Variants in CNKSR2 observed in about 807,000 individuals in gnomAD.
The protein encoded by CNKSR2 is CNK homolog protein 2.
Under a neutral mutation model 84.4 loss-of-function variants are expected in CNKSR2, and 14 were observed. The observed-to-expected ratio is 0.17, with a 90% CI of 0.11 to 0.26. CNKSR2 has a LOEUF of 0.26. CNKSR2 is among the 10% of genes least tolerant of loss of function. The pLI, the probability that CNKSR2 is intolerant of heterozygous loss-of-function variation, is 1.00. For synonymous variants in CNKSR2, 275 were observed against 277.9 expected, an observed-to-expected ratio of 0.99 and a Z score of 0.10; for missense variants, 485 against 771.2, an observed-to-expected ratio of 0.63 and a Z score of 4.40.
chrX:21,472,445 C>T (rs2091209607), intron 5 of CNKSR2, among the ~76,000 whole-genome samples: 1 of 111,852 alleles, frequency 8.9e-6, no homozygotes, highest in African/African-American at 3.2e-5. Flanking sequence ...TTTCTTCATG[C>T]ATTGGCTGCT....
chrX:21,594,626 GACT>G (rs1258428075), intron 15 of CNKSR2: 1 of 122,465 alleles, frequency 8.2e-6, no homozygotes, highest in African/African-American at 3.2e-5. Flanking sequence ...TACAAAAGTG[GACT>G]ACATTTATTT....
intron 4 of CNKSR2, among the ~76,000 whole-genome samples, chrX:21,441,565 T>G (rs775488215): frequency 2.7e-5 from 3 of 111,952 alleles, no homozygotes; most frequent in Admixed American, 9.5e-5. Flanking sequence ...CTCTTTAAGT[T>G]TGCCAAAGGA....
chrX:21,590,509 C>T (rs777610902), intron 13 of CNKSR2, 63 bp from the exon 14 acceptor site: 276 of 1,032,259 alleles, frequency 2.7e-4, no homozygotes, highest in Non-Finnish European at 3.4e-4. Flanking sequence ...TTCTGTGTAG[C>T]GTGCTGGTGC....
intron 20 of CNKSR2, chrX:21,643,974 A>T (rs1301779238): frequency 8.9e-6 from 1 of 111,778 alleles, no homozygotes; most frequent in African/African-American, 3.2e-5. Context: ...CAAAGACATT[A>T]AGTCCATTAA....
At chrX:21,530,715 A>G (rs2091878087) in intron 10 of CNKSR2, among the ~76,000 whole-genome samples, 1 of 111,209 alleles carries the variant, frequency 9.0e-6, no homozygotes, top group Non-Finnish European at 1.9e-5. Context: ...CATTGCATTT[A>G]CATTCATAGT....
chrX:21,593,769 T>C (rs973030954), intron 15 of CNKSR2: 5 of 111,692 alleles, frequency 4.5e-5, no homozygotes, highest in Admixed American at 2.9e-4. Flanking sequence ...TATTTGAAAG[T>C]CAGATTGACC....
chrX:21,616,635 C>T (rs2092578174), intron 20 of CNKSR2, among the ~76,000 whole-genome samples: 2 of 111,651 alleles, frequency 1.8e-5, no homozygotes, highest in African/African-American at 6.5e-5. Context: ...ATGATTGAAA[C>T]CATTTCCTCC....
chrX:21,500,311 ACTT>A (rs1376928642), intron 7 of CNKSR2, among the ~76,000 whole-genome samples: 1 of 111,305 alleles, frequency 9.0e-6, no homozygotes, highest in Non-Finnish European at 1.9e-5. Flanking sequence ...TTGTTTCAAG[ACTT>A]CTATGTTTTA....
At chrX:21,465,862 A>C (rs887235530) in intron 4 of CNKSR2, among the ~76,000 whole-genome samples, 2 of 111,491 alleles carry the variant, frequency 1.8e-5, no homozygotes, top group African/African-American at 6.5e-5. Context: ...TAGGAGTAAA[A>C]ATTGTTCTGT....
intron 13 of CNKSR2, among the ~76,000 whole-genome samples, chrX:21,566,851 A>G (rs1454606404): frequency 2.7e-5 from 3 of 111,825 alleles, no homozygotes; most frequent in Non-Finnish European, 3.8e-5. Context: ...GTTTGGCTTC[A>G]GGGTTCAACT....
chrX:21,586,626 A>G (rs2092390268), intron 13 of CNKSR2, among the ~76,000 whole-genome samples: 1 of 112,207 alleles, frequency 8.9e-6, no homozygotes, highest in African/African-American at 3.2e-5. Context: ...GATTTTCTTC[A>G]CTAAATGCAA....
intron 4 of CNKSR2, among the ~76,000 whole-genome samples, chrX:21,458,948 C>G (rs1224145139): frequency 9.2e-6 from 1 of 108,959 alleles, no homozygotes; most frequent in Non-Finnish European, 1.9e-5. Context: ...TACTATATCA[C>G]AGTATCTTTT....
At position 21,652,434 on chromosome X, in the gene CNKSR2, A is replaced by T. The variant is rs753625912; in HGVS notation, c.3018A>T (p.Ser1006=). The T allele has an allele frequency of 8.3e-7, 1 of 1,209,542 alleles. No individual in the cohort carries two copies. Among genetic ancestry groups the T allele is most frequent in the Admixed American group, 2.2e-5 (1 of 46,065 alleles). The change falls in exon 22 of 22, where the codon TCA becomes TCT. Residue 1006 remains serine (S), a synonymous_variant. Coordinates refer to ENST00000379510, the MANE Select transcript of CNKSR2 (RefSeq NM_014927.5). The part of the protein sequence containing the change: ...LFLDICQNTT[S]NDPLSISSEV... ...TGGATATCTGTCAAAATACCACCTCAAATGACCCACTGAGTATTTCTTCTG... is the reference window on the plus strand; with the variant it reads ...TGGATATCTGTCAAAATACCACCTCTAATGACCCACTGAGTATTTCTTCTG...
intron 11 of CNKSR2, among the ~76,000 whole-genome samples, chrX:21,549,937 T>TA (rs1181567806): frequency 8.9e-6 from 1 of 112,072 alleles, no homozygotes; most frequent in African/African-American, 3.3e-5. Flanking sequence ...ATTAAACACT[T>TA]AAACGTAAGA....
In CNKSR2 at chrX:21,653,900, A is replaced by G. The variant is rs1013397183; in HGVS notation, c.*1379A>G. 1 of 111,609 alleles carries G rather than the reference A, an allele frequency of 9.0e-6. No individual in the cohort carries two copies. The highest frequency in any genetic ancestry group is 1.9e-5 in the Non-Finnish European group (1 of 53,140). 9.2% of individuals were successfully genotyped at this position (111,609 alleles called of 1,213,427 possible). ...AAAATCTACTTCTAATCAGCTTTAT[A>G]CTGTTGCCTGTACAGCTCAGTGAAT... On this transcript the variant is annotated 3_prime_UTR_variant, in exon 22 of 22. Transcript: ENST00000379510.
At chrX:21,551,470 GA>G (rs1435179773) in intron 11 of CNKSR2, among the ~76,000 whole-genome samples, 7 of 112,213 alleles carry the variant, frequency 6.2e-5, no homozygotes, top group East Asian at 5.6e-4. Flanking sequence ...ATGCAACTAT[GA>G]GGGGGGAAAA....
At chrX:21,408,018 G>A (rs915262046) in intron 1 of CNKSR2, among the ~76,000 whole-genome samples, 1 of 111,075 alleles carries the variant, frequency 9.0e-6, no homozygotes, top group Non-Finnish European at 1.9e-5. Flanking sequence ...GAATTCAGTA[G>A]CCTGCTGTTT....
intron 4 of CNKSR2, among the ~76,000 whole-genome samples, chrX:21,460,370 C>A (rs913118834): frequency 9.0e-6 from 1 of 111,441 alleles, no homozygotes; most frequent in Non-Finnish European, 1.9e-5. Context: ...TTAACTTTTC[C>A]TTCTCCATTA....
intron 8 of CNKSR2, among the ~76,000 whole-genome samples, chrX:21,508,087 A>C (rs1340998308): frequency 7.1e-5 from 8 of 112,496 alleles, no homozygotes; most frequent in African/African-American, 2.6e-4. Context: ...GCACTTTGGT[A>C]GGCCAGGGTG....
Sources: gnomAD v4.1 joint callset for allele counts (sites outside exome capture counted in the v4.1 genomes callset) on GRCh38, gnomAD v4.1.1 for gene constraint, MANE v1.5 for transcripts, NCBI Gene and HGNC (gene_info 2026-07-23, HGNC 2026-07-21) for gene names.